Variants in TP53BP1 observed in about 807,000 individuals in gnomAD.
The protein encoded by TP53BP1 is TP53-binding protein 1.
A neutral mutation model predicts 200.8 loss-of-function variants in TP53BP1; 61 were observed. That is an observed-to-expected ratio of 0.30 (90% CI 0.25 to 0.38). The LOEUF is 0.38. Among genes scored for constraint, TP53BP1 ranks in the 10% least tolerant of loss-of-function variants. The pLI is 1.00. For missense variants in TP53BP1, 2,144 were observed against 2,371.9 expected (o/e 0.90, Z 2.00); for synonymous variants, 822 against 844.3 (o/e 0.97, Z 0.46).
intron 24 of TP53BP1, among the ~76,000 whole-genome samples, chr15:43,410,201 A>C (rs1479866548): frequency 6.6e-6 from 1 of 152,218 alleles, no homozygotes; most frequent in Non-Finnish European, 1.5e-5. Context: ...TTATATATGA[A>C]GGGTTTATTA....
chr15:43,404,635 C>T lies in TP53BP1; in HGVS notation c.*2748G>A. 9 of 1,462,948 alleles carry T rather than the reference C, an allele frequency of 6.2e-6. No homozygotes were observed. Among genetic ancestry groups the T allele is most frequent in the Non-Finnish European group, 8.4e-6 (9 of 1,067,800 alleles). 90.6% of individuals were successfully genotyped at this position (1,462,948 alleles called of 1,614,324 possible). On this transcript the variant is annotated 3_prime_UTR_variant, in exon 28 of 28. Transcript: ENST00000382044. ...GTAGAATTCTAGAACTGGAAGAAGA[C>T]TTTAGTCCAAATACCCTCATTTTAT...
chr15:43,450,396 G>A (rs188470572), intron 12 of TP53BP1, among the ~76,000 whole-genome samples: 22 of 152,246 alleles, frequency 1.4e-4, no homozygotes, highest in African/African-American at 3.9e-4. Flanking sequence ...GCGATATCAT[G>A]CATGAAGTCT....
intron 12 of TP53BP1, among the ~76,000 whole-genome samples, chr15:43,451,548 T>C (rs1595571349): frequency 6.6e-6 from 1 of 152,192 alleles, no homozygotes; most frequent in Non-Finnish European, 1.5e-5. Flanking sequence ...TATTCCATGG[T>C]GTATATGTGC....
intron 24 of TP53BP1, 46 bp from the exon 25 acceptor site, chr15:43,409,787 C>CA: frequency 2.0e-6 from 2 of 987,388 alleles, no homozygotes; most frequent in Non-Finnish European, 2.9e-6. Flanking sequence ...GAGTGGTTTT[C>CA]TTATTTGCTA....
chr15:43,474,143 G>A (rs2264248), intron 10 of TP53BP1, among the ~76,000 whole-genome samples: 42,902 of 152,120 alleles, frequency 0.28, 10,252 homozygotes, highest in African/African-American at 0.65. Context: ...CATTGCCCGG[G>A]GGGCCGGCAG....
In TP53BP1 at chr15:43,492,303, T is replaced by C. The variant is rs745667062; in HGVS notation, c.173A>G (p.His58Arg). 4.3e-6 allele frequency: 7 copies of C among 1,613,820 alleles called. No homozygotes were observed. Among genetic ancestry groups the C allele is most frequent in the African/African-American group, 1.3e-5 (1 of 74,882 alleles). ...ACTCACCAACACAGGATTTTCTTTG[T>C]GCGTCTGGAGATTAGGAAGGTGTCG... The part of the protein sequence containing the change: ...LSRHLPNLQT[H>R]KENPVLDVVS... The change falls in exon 2 of 28, where the codon CAC (histidine) becomes CGC (arginine). Residue 58 changes from histidine (H) to arginine (R), a missense_variant. Physicochemically the swap from His to Arg is conservative, Grantham distance 29. Around this residue, in one of 4 missense-constraint regions of TP53BP1, gnomAD observed 1,700 missense variants for 1,710.3 expected, o/e 0.99. Transcript: ENST00000382044.
chr15:43,404,755 A>C lies in TP53BP1; in HGVS notation c.*2628T>G, dbSNP rs983583129. On this transcript the variant is annotated 3_prime_UTR_variant, in exon 28 of 28. Transcript: ENST00000382044. The stretch of plus-strand genomic sequence containing the variant: ...TCATCATCATCATAAAATACTAAAA[A>C]ACCTGACAGTGAGATAGGTGTTAAG... 1.1e-5 allele frequency: 7 copies of C among 610,722 alleles called. No homozygotes were observed. Among genetic ancestry groups the C allele is most frequent in the Non-Finnish European group, 1.9e-5 (7 of 364,892 alleles). The allele number at this position is 610,722 out of a possible 1,614,324, so 37.8% of individuals were successfully genotyped here. A position where few individuals can be genotyped will look rare whatever the true frequency, so the allele number is the denominator to read the frequency against.
Position 43,415,805 on chromosome 15 carries a change from A to G in TP53BP1, c.4878T>C (p.Asn1626=). The G allele has an allele frequency of 6.2e-7, 1 of 1,613,884 alleles. No individual in the cohort carries two copies. Among genetic ancestry groups the G allele is most frequent in the Non-Finnish European group, 8.5e-7 (1 of 1,179,880 alleles). ...LTKAADISLD[N]LVEGKRKRRS... ...GCCGTTTCCGCTTCCCTTCCACCAA[A>G]TTGTCTATGGCAGGATAAGCCAAAC... Residue 1626 remains asparagine (N), a synonymous_variant, in exon 23 of 28, where the codon AAT becomes AAC. Coordinates refer to ENST00000382044, the MANE Select transcript of TP53BP1 (RefSeq NM_001141980.3).
chr15:43,448,430 T>C (rs1207850028), intron 12 of TP53BP1, among the ~76,000 whole-genome samples: 1 of 152,216 alleles, frequency 6.6e-6, no homozygotes, highest in Non-Finnish European at 1.5e-5. Context: ...TCTGGCATAC[T>C]TGGACACTAC....
rs1229396238 is a variant in TP53BP1, at chr15:43,414,204, A to G, written c.5090-870T>C. 3 of 435,984 alleles carry G rather than the reference A, an allele frequency of 6.9e-6. No homozygotes were observed. In the East Asian group the frequency reaches 2.1e-4, roughly 31 times the overall value. 27.0% of individuals were successfully genotyped at this position (435,984 alleles called of 1,614,324 possible). A position where few individuals can be genotyped will look rare whatever the true frequency, so the allele number is the denominator to read the frequency against. On this transcript the variant is annotated intron_variant, in intron 23 of 27. Coordinates refer to ENST00000382044, the MANE Select transcript of TP53BP1 (RefSeq NM_001141980.3). Reference sequence around the variant, plus strand: ...CTGGAATTAGAAGTGAAGACCACCAAAGTTTGAATCCTGGCTTACTTTGTC... The same window carrying G: ...CTGGAATTAGAAGTGAAGACCACCAGAGTTTGAATCCTGGCTTACTTTGTC...
intron 4 of TP53BP1, 50 bp from the exon 5 acceptor site, chr15:43,481,072 T>C: frequency 6.8e-6 from 11 of 1,611,004 alleles, no homozygotes; most frequent in Non-Finnish European, 8.5e-6. Context: ...TTTGGGACAC[T>C]TTAATCAGAG....
Position 43,408,920 on chromosome 15 carries a change from A to G in TP53BP1, c.5577T>C (p.Leu1859=), listed in dbSNP as rs763759838. 1.4e-5 allele frequency: 23 copies of G among 1,614,138 alleles called. No individual in the cohort carries two copies. Among genetic ancestry groups the G allele is most frequent in the Non-Finnish European group, 1.8e-5 (21 of 1,180,010 alleles). Residue 1859 remains leucine, a synonymous_variant, in exon 26 of 28, where the codon CTT becomes CTC. Transcript: ENST00000382044. The part of the protein sequence containing the change: ...RNYLLPAGYS[L]EEQRILDWQP... ...ACCAGTCCAGAATTCTTTGCTCCTC[A>G]AGGCTGTACCCAGCTGGCAACAGAT...
chr15:43,437,521 A>G (rs1314658293), intron 16 of TP53BP1, among the ~76,000 whole-genome samples: 5 of 151,946 alleles, frequency 3.3e-5, no homozygotes, highest in Non-Finnish European at 7.4e-5. Flanking sequence ...GGTCCTAGCT[A>G]CTTGGGAGGC....
chr15:43,420,880 T>G, intron 20 of TP53BP1, 145 bp from the exon 21 acceptor site: 1 of 1,298,930 alleles, frequency 7.7e-7, no homozygotes. Context: ...GGTCTCTCTG[T>G]GGCCTCACTC....
chr15:43,439,639 T>G (rs1021341695), intron 15 of TP53BP1, among the ~76,000 whole-genome samples: 1 of 152,200 alleles, frequency 6.6e-6, no homozygotes, highest in African/African-American at 2.4e-5. Context: ...GTGAACACAA[T>G]AGCAAACAAG....
At chr15:43,417,018 A>G (rs895423434) in intron 21 of TP53BP1, 1 of 152,246 alleles carries the variant, frequency 6.6e-6, no homozygotes, top group African/African-American at 2.4e-5. Flanking sequence ...TGGGATGTAA[A>G]AGGAAACTAA....
chr15:43,487,644 T>C (rs946176413), intron 4 of TP53BP1, among the ~76,000 whole-genome samples: 4 of 151,928 alleles, frequency 2.6e-5, no homozygotes, highest in African/African-American at 9.7e-5. Context: ...AATACAAAAA[T>C]TAGCCAGGCG....
intron 17 of TP53BP1, among the ~76,000 whole-genome samples, chr15:43,429,901 A>G (rs1170440765): frequency 6.6e-6 from 1 of 152,190 alleles, no homozygotes. Flanking sequence ...AAGTCAGTCT[A>G]AAAGGTTTCA....
intron 12 of TP53BP1, among the ~76,000 whole-genome samples, chr15:43,453,841 G>A (rs928550930): frequency 2.7e-5 from 4 of 150,814 alleles, no homozygotes; most frequent in East Asian, 4.0e-4. Context: ...CACCGCACCC[G>A]GCCAATAGGG....
Sources: gnomAD v4.1 joint callset for allele counts (sites outside exome capture counted in the v4.1 genomes callset) on GRCh38, gnomAD v4.1.1 for gene constraint, gnomAD v4.1.1 regional missense constraint, MANE v1.5 for transcripts, NCBI Gene and HGNC (gene_info 2026-07-23, HGNC 2026-07-21) for gene names.